RAD51B: variants seen among roughly 807,000 people sequenced by gnomAD.
The protein encoded by RAD51B is DNA repair protein RAD51 homolog 2.
Under a neutral mutation model 42.2 loss-of-function variants are expected in RAD51B, and 38 were observed. That is an observed-to-expected ratio of 0.90 (90% CI 0.70 to 1.18). The LOEUF (loss-of-function observed/expected upper bound fraction) is 1.18, where lower values mean the gene tolerates loss of function less well. Ranked by LOEUF, RAD51B falls within the 50% of genes most tolerant of loss-of-function variation. The pLI is 0.00. For synonymous variants in RAD51B, 154 were observed against 145.2 expected (o/e 1.06, Z -0.43); for missense variants, 373 against 400.7 (o/e 0.93, Z 0.59).
At chr14:68,421,075 C>G (rs1048357792) in intron 9 of RAD51B, among the ~76,000 whole-genome samples, 1 of 152,208 alleles carries the variant, frequency 6.6e-6, no homozygotes, top group African/African-American at 2.4e-5. Context: ...TAGCCCCTCC[C>G]ACCCTGGGGC....
At chr14:68,623,055 C>A (rs1410042027) in intron 10 of RAD51B, among the ~76,000 whole-genome samples, 3 of 152,172 alleles carry the variant, frequency 2.0e-5, no homozygotes, top group African/African-American at 7.2e-5. Context: ...TCACGGGAGG[C>A]AAGGGGAGAA....
At chr14:67,930,134 T>A (rs868760223) in intron 7 of RAD51B, among the ~76,000 whole-genome samples, 4 of 152,208 alleles carry the variant, frequency 2.6e-5, no homozygotes, top group African/African-American at 7.2e-5. Context: ...AGATCATTTT[T>A]AAATCAATTC....
intron 7 of RAD51B, among the ~76,000 whole-genome samples, chr14:68,118,298 A>T (rs1321144648): frequency 2.6e-5 from 4 of 152,160 alleles, no homozygotes; most frequent in African/African-American, 9.7e-5. Flanking sequence ...CATCATTTAA[A>T]TTTCTCCAAT....
chr14:68,486,437 G>A (rs753495984), intron 10 of RAD51B, among the ~76,000 whole-genome samples: 2 of 152,042 alleles, frequency 1.3e-5, no homozygotes, highest in Admixed American at 6.6e-5. Context: ...CAGCACCATC[G>A]TCCAAACCCC....
chr14:68,374,712 T>C (rs1390271291), intron 8 of RAD51B, among the ~76,000 whole-genome samples: 1 of 150,496 alleles, frequency 6.6e-6, no homozygotes, highest in Non-Finnish European at 1.5e-5. Context: ...TTAGCACAGA[T>C]GGTCTCAGAA....
intron 4 of RAD51B, among the ~76,000 whole-genome samples, chr14:67,862,874 T>C (rs889480047): frequency 6.6e-6 from 1 of 152,102 alleles, no homozygotes; most frequent in Admixed American, 6.5e-5. Flanking sequence ...TAATTTTTAA[T>C]TCATACTTTG....
rs1393555925 is a variant in RAD51B at position 68,470,461 on chromosome 14, T to C, written c.1036+2211T>C. 8.4e-6 allele frequency: 4 copies of C among 477,380 alleles called. No individual in the cohort carries two copies. The East Asian group carries it at 1.5e-4, about 18-fold the overall frequency. 29.6% of individuals were successfully genotyped at this position (477,380 alleles called of 1,614,324 possible). On this transcript the variant is annotated intron_variant, in intron 10 of 10. Transcript: ENST00000471583. Reference sequence around the variant, plus strand: ...GCCCCTCATTTACTAGAAAGAACCTTTGGATTTTACCTTCAGCTTTGGTAT... The same window carrying C: ...GCCCCTCATTTACTAGAAAGAACCTCTGGATTTTACCTTCAGCTTTGGTAT...
At chr14:68,543,202 T>A (rs898531518) in intron 10 of RAD51B, among the ~76,000 whole-genome samples, 3 of 152,184 alleles carry the variant, frequency 2.0e-5, no homozygotes, top group Non-Finnish European at 2.9e-5. Flanking sequence ...CTAAAAAAAA[T>A]TTCTTTACAA....
intron 9 of RAD51B, among the ~76,000 whole-genome samples, chr14:68,467,686 C>T (rs1240101792): frequency 6.6e-6 from 1 of 152,200 alleles, no homozygotes; most frequent in Non-Finnish European, 1.5e-5. Flanking sequence ...AATGTAGTCA[C>T]GTAGTAGAGG....
At chr14:67,894,378 C>T (rs1360047199) in intron 7 of RAD51B, among the ~76,000 whole-genome samples, 1 of 152,158 alleles carries the variant, frequency 6.6e-6, no homozygotes, top group Non-Finnish European at 1.5e-5. Flanking sequence ...CTGAACCCTC[C>T]TTTATCTGGT....
intron 7 of RAD51B, among the ~76,000 whole-genome samples, chr14:67,909,720 A>G (rs1309033718): frequency 6.6e-6 from 1 of 152,170 alleles, no homozygotes; most frequent in African/African-American, 2.4e-5. Context: ...TCTCTGTTGC[A>G]CAGGCTGGAG....
Position 67,887,111 on chromosome 14 carries a change from T to G in RAD51B, c.663T>G (p.Asp221Glu). 6.2e-7 allele frequency: 1 copy of G among 1,604,050 alleles called. No homozygotes were observed. Among genetic ancestry groups the G allele is most frequent in the Non-Finnish European group, 8.5e-7 (1 of 1,171,580 alleles). Residue 221 changes from aspartate to glutamate, a missense_variant, in exon 7 of 11, where the codon GAT becomes GAG. Coordinates refer to ENST00000471583, the MANE Select transcript of RAD51B (RefSeq NM_133510.4). The part of the protein sequence containing the change: ...SVASVVRKEF[D>E]AQLQGNLKER... ...CTTCTGTGGTCAGAAAGGAGTTTGA[T>G]GCACAACTTCAAGGCAATCTCAAAG... is the stretch of plus-strand genomic sequence containing the variant.
At chr14:68,539,520 T>G (rs1212675325) in intron 10 of RAD51B, among the ~76,000 whole-genome samples, 2 of 152,168 alleles carry the variant, frequency 1.3e-5, no homozygotes, top group African/African-American at 4.8e-5. Context: ...GCTGCCAAAA[T>G]AGGCTCTTTA....
At chr14:68,136,279 A>AT (rs2078007189) in intron 7 of RAD51B, among the ~76,000 whole-genome samples, 1 of 152,144 alleles carries the variant, frequency 6.6e-6, no homozygotes. Flanking sequence ...CATATGACAA[A>AT]TTAAAGGTGG....
chr14:68,061,226 C>G (rs1441304903), intron 7 of RAD51B, among the ~76,000 whole-genome samples: 1 of 151,716 alleles, frequency 6.6e-6, no homozygotes, highest in African/African-American at 2.4e-5. Context: ...GCGCGCCACA[C>G]CCAGCTAATT....
At chr14:68,539,834 G>A (rs1439155816) in intron 10 of RAD51B, among the ~76,000 whole-genome samples, 1 of 152,188 alleles carries the variant, frequency 6.6e-6, no homozygotes, top group African/African-American at 2.4e-5. Flanking sequence ...GAAGGGGTGA[G>A]AAAGGAGGGA....
intron 7 of RAD51B, among the ~76,000 whole-genome samples, chr14:67,959,401 C>G (rs2074614286): frequency 6.6e-6 from 1 of 152,092 alleles, no homozygotes; most frequent in South Asian, 2.1e-4. Context: ...CGCCCGCCAC[C>G]ACGCCTGGCT....
At chr14:68,061,879 G>A (rs947510632) in intron 7 of RAD51B, among the ~76,000 whole-genome samples, 2 of 152,138 alleles carry the variant, frequency 1.3e-5, no homozygotes, top group Non-Finnish European at 2.9e-5. Flanking sequence ...CGATTTGGAT[G>A]CCTTTTATTT....
At chr14:67,996,695 G>A (rs967675744) in intron 7 of RAD51B, among the ~76,000 whole-genome samples, 12 of 152,174 alleles carry the variant, frequency 7.9e-5, no homozygotes, top group African/African-American at 2.7e-4. Context: ...TAGGGGTTTT[G>A]TGAGGCACTG....
Sources: gnomAD v4.1 joint callset for allele counts (sites outside exome capture counted in the v4.1 genomes callset) on GRCh38, gnomAD v4.1.1 for gene constraint, MANE v1.5 for transcripts, NCBI Gene and HGNC (gene_info 2026-07-23, HGNC 2026-07-21) for gene names.